Variants in COMMD1 observed in about 807,000 individuals in gnomAD.
COMMD1 encodes copper metabolism domain containing 1, also known as COMM domain-containing protein 1.
COMMD1 carries 10 observed loss-of-function variants against 17.2 expected under a neutral mutation model. The ratio of observed to expected loss-of-function variants is 0.58; its 90% CI spans 0.36 to 0.99. COMMD1 has a LOEUF of 0.99. Ranked by LOEUF, COMMD1 falls within the 50% of genes least tolerant of loss-of-function variation. The probability of loss-of-function intolerance (pLI) is 0.01; values close to 1 mark genes in which losing one functional copy is unlikely to be tolerated. For synonymous variants in COMMD1, 97 were observed against 91.6 expected (o/e 1.06, Z -0.34); for missense variants, 270 against 231.8 (o/e 1.17, Z -1.07).
intron 1 of COMMD1, among the ~76,000 whole-genome samples, chr2:61,927,539 C>G (rs1475580559): frequency 6.6e-6 from 1 of 151,918 alleles, no homozygotes; most frequent in Non-Finnish European, 1.5e-5. Flanking sequence ...ACTACAGATG[C>G]CCGCCCGCCA....
intron 1 of COMMD1, among the ~76,000 whole-genome samples, chr2:61,981,651 G>A (rs1558547041): frequency 6.6e-6 from 1 of 152,144 alleles, no homozygotes; most frequent in Admixed American, 6.5e-5. Flanking sequence ...CACAGTCATG[G>A]CGGAAGGTGA....
chr2:61,979,132 C>T (rs917840117), intron 1 of COMMD1, among the ~76,000 whole-genome samples: 10 of 152,082 alleles, frequency 6.6e-5, no homozygotes, highest in Admixed American at 1.3e-4. Context: ...CCTTCCCAGC[C>T]TCTGGTAACC....
At chr2:62,003,182 G>A (rs917249861) in intron 2 of COMMD1, among the ~76,000 whole-genome samples, 1 of 151,518 alleles carries the variant, frequency 6.6e-6, no homozygotes, top group Non-Finnish European at 1.5e-5. Flanking sequence ...GCTGTCAGCC[G>A]AGATGGTGCC....
At chr2:61,890,826 CAAAAA>C (rs59877732) in intron 1 of COMMD1, among the ~76,000 whole-genome samples, 13 of 98,954 alleles carry the variant, frequency 1.3e-4, no homozygotes, top group East Asian at 2.9e-4. Context: ...GACTTTGTCT[CAAAAA>C]AAAAAAAAAA....
intron 2 of COMMD1, among the ~76,000 whole-genome samples, chr2:62,114,898 C>T (rs1461163269): frequency 6.6e-6 from 1 of 152,174 alleles, no homozygotes; most frequent in Non-Finnish European, 1.5e-5. Context: ...CAGCGAGGTT[C>T]CTTGGTCAGA....
intron 2 of COMMD1, among the ~76,000 whole-genome samples, chr2:62,104,471 T>TA (rs1195630942): frequency 6.6e-6 from 1 of 151,152 alleles, no homozygotes; most frequent in Non-Finnish European, 1.5e-5. Flanking sequence ...CCATCTCTAA[T>TA]AAAAATGCAA....
At chr2:61,910,700 T>A (rs989311925) in intron 1 of COMMD1, among the ~76,000 whole-genome samples, 1 of 152,240 alleles carries the variant, frequency 6.6e-6, no homozygotes, top group Non-Finnish European at 1.5e-5. Flanking sequence ...ATAATCTAAC[T>A]ATGAAGATCA....
At chr2:62,040,622 C>T (rs1487241029) in intron 2 of COMMD1, among the ~76,000 whole-genome samples, 1 of 152,004 alleles carries the variant, frequency 6.6e-6, no homozygotes, top group African/African-American at 2.4e-5. Flanking sequence ...GATCAATTTG[C>T]CTTGCTTGAG....
At chr2:62,102,377 C>T (rs115851422) in intron 2 of COMMD1, among the ~76,000 whole-genome samples, 2,944 of 152,292 alleles carry the variant, frequency 0.019, 43 homozygotes, top group Non-Finnish European at 0.031. Context: ...TCATGAAACT[C>T]TTAATTCCTC....
intron 2 of COMMD1, 27 bp from the exon 3 acceptor site, chr2:62,135,804 T>G: frequency 8.4e-7 from 1 of 1,191,004 alleles, no homozygotes; most frequent in South Asian, 1.2e-5. Flanking sequence ...GTGGTTTCCC[T>G]CTAAAATATC....
At chr2:62,105,787 C>G (rs1054409624) in intron 2 of COMMD1, among the ~76,000 whole-genome samples, 3 of 150,996 alleles carry the variant, frequency 2.0e-5, no homozygotes, top group African/African-American at 7.3e-5. Context: ...TGTGCCACTG[C>G]ATTCCAGCTT....
At chr2:61,909,459 A>G (rs1451150416) in intron 1 of COMMD1, among the ~76,000 whole-genome samples, 2 of 152,178 alleles carry the variant, frequency 1.3e-5, no homozygotes, top group Non-Finnish European at 2.9e-5. Context: ...GATGAAGGGT[A>G]GCCGTATACA....
chr2:61,959,491 A>G (rs1671283841), intron 1 of COMMD1, among the ~76,000 whole-genome samples: 1 of 152,224 alleles, frequency 6.6e-6, no homozygotes, highest in African/African-American at 2.4e-5. Context: ...CATTTTATAA[A>G]TGTAATTTTA....
At chr2:61,987,912 C>T (rs1672147064) in intron 1 of COMMD1, among the ~76,000 whole-genome samples, 1 of 152,196 alleles carries the variant, frequency 6.6e-6, no homozygotes, top group African/African-American at 2.4e-5. Context: ...ACTCTTTCCT[C>T]CCCTTCTCCC....
chr2:61,914,879 A>AG (rs1670010846), intron 1 of COMMD1, among the ~76,000 whole-genome samples: 1 of 151,448 alleles, frequency 6.6e-6, no homozygotes, highest in South Asian at 2.1e-4. Flanking sequence ...TTGTTGAGAC[A>AG]GGGTTTCACC....
At chr2:61,979,370 A>T (rs1209380504) in intron 1 of COMMD1, among the ~76,000 whole-genome samples, 1 of 152,038 alleles carries the variant, frequency 6.6e-6, no homozygotes, top group Non-Finnish European at 1.5e-5. Flanking sequence ...CCAGCTACTC[A>T]GGAGGCTGAG....
intron 2 of COMMD1, among the ~76,000 whole-genome samples, chr2:62,086,747 T>C (rs926350663): frequency 1.3e-5 from 2 of 152,178 alleles, no homozygotes; most frequent in Admixed American, 1.3e-4. Context: ...GAACCTAGGA[T>C]CCAGAACTTA....
At chr2:61,911,250 G>A (rs762501222) in intron 1 of COMMD1, among the ~76,000 whole-genome samples, 5 of 152,086 alleles carry the variant, frequency 3.3e-5, no homozygotes, top group Admixed American at 2.0e-4. Context: ...CAGGGTGGGC[G>A]GATCACCTGA....
intron 2 of COMMD1, among the ~76,000 whole-genome samples, chr2:62,129,898 G>A (rs991711396): frequency 1.3e-5 from 2 of 152,082 alleles, no homozygotes; most frequent in African/African-American, 2.4e-5. Flanking sequence ...CCTTTGAGCC[G>A]GGCGCCGTGG....
Sources: gnomAD v4.1 joint callset for allele counts (sites outside exome capture counted in the v4.1 genomes callset) on GRCh38, gnomAD v4.1.1 for gene constraint, MANE v1.5 for transcripts, NCBI Gene and HGNC (gene_info 2026-07-23, HGNC 2026-07-21) for gene names.